FBXO11: variants seen among roughly 807,000 people sequenced by gnomAD.
FBXO11 encodes the protein F-box only protein 11.
A neutral mutation model predicts 117.0 loss-of-function variants in FBXO11; 13 were observed. That is an observed-to-expected ratio of 0.11 (90% CI 0.07 to 0.18). FBXO11 has a LOEUF of 0.18. Among genes scored for constraint, FBXO11 ranks in the 10% least tolerant of loss-of-function variants. FBXO11 has a pLI of 1.00. For synonymous variants in FBXO11, 490 were observed against 380.5 expected (o/e 1.29, Z -3.35); for missense variants, 767 against 1,164.4 (o/e 0.66, Z 4.97).
chr2:47,873,039 T>C (rs1224456810), intron 1 of FBXO11, among the ~76,000 whole-genome samples: 4 of 152,150 alleles, frequency 2.6e-5, no homozygotes, highest in South Asian at 2.1e-4. Flanking sequence ...AGAACTGCTA[T>C]TGTAGAGTAA....
chr2:47,822,066 A>G, intron 13 of FBXO11, 152 bp downstream of exon 13: 1 of 608,732 alleles, frequency 1.6e-6, no homozygotes, highest in African/African-American at 1.9e-5. Flanking sequence ...AGTCTGCACA[A>G]GAGAGTAAGA....
At chr2:47,857,791 G>C in intron 1 of FBXO11, among the ~76,000 whole-genome samples, 1 of 152,158 alleles carries the variant, frequency 6.6e-6, no homozygotes, top group African/African-American at 2.4e-5. Flanking sequence ...ACTGGCAGAC[G>C]CAGGACTACA....
chr2:47,858,868 G>A (rs1030306670), intron 1 of FBXO11, among the ~76,000 whole-genome samples: 4 of 150,014 alleles, frequency 2.7e-5, no homozygotes, highest in Admixed American at 6.6e-5. Flanking sequence ...GTGAAACCCC[G>A]TCTCTACTAA....
chr2:47,834,676 T>C lies in FBXO11; in HGVS notation c.837A>G (p.Val279=), dbSNP rs759003780. The change falls in exon 7 of 23, where the codon GTA becomes GTG. Residue 279 remains valine, a synonymous_variant. Coordinates refer to ENST00000403359, the MANE Select transcript of FBXO11 (RefSeq NM_001190274.2). The stretch of plus-strand genomic sequence containing the variant: ...TAAGTCCATCAAAATGAGCCTCTTG[T>C]ACCCCACCAAGGGCATCTTCAATAG... ...YDTIEDALGG[V]QEAHFDGLIF... is the part of the protein sequence containing the mutation. 6.2e-7 allele frequency: 1 copy of C among 1,612,528 alleles called. No homozygotes were observed.
In FBXO11 at chr2:47,832,675, C is replaced by T. The variant is rs1467125274; in HGVS notation, c.1157G>A (p.Gly386Asp). 6.2e-7 allele frequency: 1 copy of T among 1,613,218 alleles called. No homozygotes were observed. The change falls in exon 10 of 23, where the codon GGT becomes GAT. Residue 386 changes from glycine (G) to aspartate (D), a missense_variant. Physicochemically the swap from Gly to Asp is moderately conservative, Grantham distance 94. Transcript: ENST00000403359. ...HCIIRSTCTV[G>D]SAVCVSGQGA... ...TTGACCACTAACACATACTGCAGAA[C>T]CAACTGTAGAAAAATTATTTATTTA...
intron 1 of FBXO11, among the ~76,000 whole-genome samples, chr2:47,904,310 G>A (rs1008641761): frequency 1.1e-4 from 17 of 151,996 alleles, no homozygotes; most frequent in African/African-American, 3.9e-4. Flanking sequence ...ACATAAATAC[G>A]GTTCTGACCT....
chr2:47,814,124 A>T (rs928514934), intron 16 of FBXO11: 70 of 358,878 alleles, frequency 2.0e-4, no homozygotes, highest in Non-Finnish European at 3.0e-4. Context: ...TAAGTGACAT[A>T]TATTCCCCTC....
intron 1 of FBXO11, among the ~76,000 whole-genome samples, chr2:47,891,705 C>A (rs561504956): frequency 7.8e-4 from 118 of 152,242 alleles, no homozygotes; most frequent in African/African-American, 2.6e-3. Flanking sequence ...CACTGTTTTC[C>A]ATAATAGTTA....
intron 16 of FBXO11, among the ~76,000 whole-genome samples, chr2:47,817,003 T>C (rs893361600): frequency 1.3e-5 from 2 of 152,216 alleles, no homozygotes; most frequent in African/African-American, 2.4e-5. Flanking sequence ...AAGTCAGGCA[T>C]TGACTTCTCC....
intron 4 of FBXO11, among the ~76,000 whole-genome samples, chr2:47,837,469 G>T (rs575766159): frequency 1.3e-5 from 2 of 152,342 alleles, no homozygotes; most frequent in African/African-American, 4.8e-5. Flanking sequence ...AGAGGTTGCA[G>T]TGAGTCAAGA....
intron 17 of FBXO11, 47 bp from the exon 18 acceptor site, chr2:47,813,424 A>ATTTTTTTT (rs146642271): frequency 3.5e-6 from 2 of 579,370 alleles, no homozygotes; most frequent in African/African-American, 7.7e-5. Flanking sequence ...ATTTCTTTTT[A>ATTTTTTTT]ATTTTTTTTT....
rs781544981 is a variant in FBXO11, at chr2:47,820,317, G to A, written c.1797+45C>T. On this transcript the variant is annotated intron_variant, in intron 14 of 22. Coordinates refer to ENST00000403359, the MANE Select transcript of FBXO11 (RefSeq NM_001190274.2). ...TTGAGGAGAAACCCTTTATCCCCCT[G>A]GTTTTGATGCATGAGTTTATAGGGA... The A allele has an allele frequency of 1.0e-5, 15 of 1,478,134 alleles. No homozygotes were observed. In the East Asian group the frequency reaches 2.7e-4, roughly 27 times the overall value. The allele number at this position is 1,478,134 out of a possible 1,614,324, so 91.6% of individuals were successfully genotyped here. A position where few individuals can be genotyped will look rare whatever the true frequency, so the allele number is the denominator to read the frequency against.
chr2:47,878,330 T>C, intron 1 of FBXO11, among the ~76,000 whole-genome samples: 1 of 151,998 alleles, frequency 6.6e-6, no homozygotes, highest in African/African-American at 2.4e-5. Flanking sequence ...ATGTATTTAG[T>C]CTCTATTTAA....
At chr2:47,873,942 C>CGGTG (rs1675807825) in intron 1 of FBXO11, among the ~76,000 whole-genome samples, 1 of 152,038 alleles carries the variant, frequency 6.6e-6, no homozygotes, top group South Asian at 2.1e-4. Flanking sequence ...AAGCTGGGCC[C>CGGTG]GGTGGCTCGT....
At chr2:47,903,991 C>G (rs1359420918) in intron 1 of FBXO11, among the ~76,000 whole-genome samples, 1 of 152,198 alleles carries the variant, frequency 6.6e-6, no homozygotes, top group Non-Finnish European at 1.5e-5. Context: ...CTTGAAACAT[C>G]ACATTCTTTC....
At chr2:47,854,106 G>A (rs867465223) in intron 1 of FBXO11, among the ~76,000 whole-genome samples, 5 of 151,994 alleles carry the variant, frequency 3.3e-5, no homozygotes, top group Admixed American at 6.6e-5. Flanking sequence ...AATTCTTTCC[G>A]AACTATAAAA....
intron 1 of FBXO11, among the ~76,000 whole-genome samples, chr2:47,886,604 G>T (rs903571925): frequency 3.3e-5 from 5 of 151,500 alleles, no homozygotes; most frequent in African/African-American, 1.2e-4. Flanking sequence ...TAGCATACAA[G>T]AATTTAAATG....
chr2:47,904,052 G>A (rs896642340), intron 1 of FBXO11, among the ~76,000 whole-genome samples: 1 of 152,128 alleles, frequency 6.6e-6, no homozygotes, highest in Admixed American at 6.6e-5. Flanking sequence ...AACAGTGACT[G>A]GTGAAAGCCT....
At chr2:47,900,695 TAC>T (rs747093746) in intron 1 of FBXO11, among the ~76,000 whole-genome samples, 5 of 93,528 alleles carry the variant, frequency 5.3e-5, no homozygotes, top group South Asian at 2.9e-4. Context: ...CACACACGTA[TAC>T]ACACACGTGT....
Sources: gnomAD v4.1 joint callset for allele counts (sites outside exome capture counted in the v4.1 genomes callset) on GRCh38, gnomAD v4.1.1 for gene constraint, MANE v1.5 for transcripts, NCBI Gene and HGNC (gene_info 2026-07-23, HGNC 2026-07-21) for gene names.